The following FHIT variants were observed in gnomAD, a reference collection of about 807,000 sequenced individuals.
The protein encoded by FHIT is bis(5'-adenosyl)-triphosphatase.
A neutral mutation model predicts 17.9 loss-of-function variants in FHIT; 19 were observed. The ratio of observed to expected loss-of-function variants is 1.06; its 90% CI spans 0.74 to 1.56. The LOEUF (loss-of-function observed/expected upper bound fraction) is 1.56, where lower values mean the gene tolerates loss of function less well. FHIT is among the 40% of genes most tolerant of loss of function. The pLI is 0.00. For missense variants in FHIT, 248 were observed against 189.2 expected, an observed-to-expected ratio of 1.31 and a Z score of -1.82; for synonymous variants, 81 against 69.7, an observed-to-expected ratio of 1.16 and a Z score of -0.81.
chr3:60,608,128 T>C (rs1231202985), intron 4 of FHIT, among the ~76,000 whole-genome samples: 3 of 152,206 alleles, frequency 2.0e-5, no homozygotes, highest in African/African-American at 7.2e-5. Flanking sequence ...CCATCTTCCC[T>C]CGTCTGCTCA....
At chr3:60,381,371 G>A (rs2107113197) in intron 5 of FHIT, among the ~76,000 whole-genome samples, 1 of 152,150 alleles carries the variant, frequency 6.6e-6, no homozygotes, top group East Asian at 1.9e-4. Flanking sequence ...CCAGCTACAT[G>A]GGGGGCTAAG....
intron 2 of FHIT, among the ~76,000 whole-genome samples, chr3:61,043,072 C>T (rs1369469907): frequency 6.6e-6 from 1 of 152,110 alleles, no homozygotes; most frequent in East Asian, 1.9e-4. Flanking sequence ...TCTGCATTTC[C>T]AACTGAGGTA....
At chr3:60,697,574 G>C (rs1406609655) in intron 4 of FHIT, among the ~76,000 whole-genome samples, 1 of 151,940 alleles carries the variant, frequency 6.6e-6, no homozygotes, top group Non-Finnish European at 1.5e-5. Flanking sequence ...AATTTTATCT[G>C]GCAATTGTAA....
intron 3 of FHIT, among the ~76,000 whole-genome samples, chr3:61,037,624 C>G (rs111518181): frequency 0.014 from 2,148 of 152,284 alleles, 30 homozygotes; most frequent in South Asian, 0.062. Flanking sequence ...GTCACGAGGG[C>G]TCTGGCCTCA....
intron 5 of FHIT, among the ~76,000 whole-genome samples, chr3:60,123,572 C>T (rs1020262012): frequency 1.3e-5 from 2 of 152,012 alleles, no homozygotes; most frequent in African/African-American, 2.4e-5. Context: ...TCTAAAATAT[C>T]GTTGAAAGAG....
intron 2 of FHIT, among the ~76,000 whole-genome samples, chr3:61,150,759 A>G (rs1576109775): frequency 6.6e-6 from 1 of 152,326 alleles, no homozygotes; most frequent in East Asian, 1.9e-4. Flanking sequence ...ACTATTTCAG[A>G]AAATCCCACC....
intron 5 of FHIT, among the ~76,000 whole-genome samples, chr3:60,152,362 T>A (rs138130022): frequency 9.5e-4 from 144 of 152,244 alleles, no homozygotes; most frequent in African/African-American, 3.3e-3. Flanking sequence ...CCTGAAAAAA[T>A]TATTGTAGCT....
chr3:60,255,804 G>T (rs1057148467), intron 5 of FHIT, among the ~76,000 whole-genome samples: 2 of 151,912 alleles, frequency 1.3e-5, no homozygotes, highest in African/African-American at 4.8e-5. Context: ...GCAGTGAGCC[G>T]AGATTGTGCC....
chr3:61,217,117 A>G (rs1335118666), intron 1 of FHIT, among the ~76,000 whole-genome samples: 2 of 152,218 alleles, frequency 1.3e-5, no homozygotes, highest in Non-Finnish European at 2.9e-5. Context: ...CACGTTGTGC[A>G]CATGTACCCT....
intron 2 of FHIT, among the ~76,000 whole-genome samples, chr3:61,131,017 G>C (rs1340887639): frequency 6.6e-6 from 1 of 152,228 alleles, no homozygotes; most frequent in Non-Finnish European, 1.5e-5. Flanking sequence ...TAGGGTTAAA[G>C]TAGTTGGCCA....
chr3:60,107,996 A>C (rs986435348), intron 5 of FHIT, among the ~76,000 whole-genome samples: 4 of 152,202 alleles, frequency 2.6e-5, no homozygotes, highest in African/African-American at 9.6e-5. Flanking sequence ...GTGAAAGGAC[A>C]TTCAGAGTGG....
chr3:60,293,923 A>G (rs1708094195), intron 5 of FHIT, among the ~76,000 whole-genome samples: 1 of 152,142 alleles, frequency 6.6e-6, no homozygotes, highest in Non-Finnish European at 1.5e-5. Flanking sequence ...TTAGAATGAG[A>G]ACTGTGCCTC....
At chr3:61,178,557 T>C (rs2038227723) in intron 2 of FHIT, among the ~76,000 whole-genome samples, 1 of 764 alleles carries the variant, frequency 1.3e-3, no homozygotes, top group Non-Finnish European at 1.7e-3. Context: ...AACGTTGTAA[T>C]TATAGGTTAA....
chr3:60,735,632 A>G (rs2042118863), intron 4 of FHIT, among the ~76,000 whole-genome samples: 1 of 152,208 alleles, frequency 6.6e-6, no homozygotes, highest in South Asian at 2.1e-4. Context: ...GACCAACCCA[A>G]TGGAAAGAAA....
chr3:59,992,601 T>C (rs948334004), intron 7 of FHIT, among the ~76,000 whole-genome samples: 2 of 152,122 alleles, frequency 1.3e-5, no homozygotes, highest in African/African-American at 4.8e-5. Context: ...ATTTCATCTT[T>C]GAATTCGGAG....
At chr3:61,084,806 T>C (rs1346448481) in intron 2 of FHIT, among the ~76,000 whole-genome samples, 2 of 152,162 alleles carry the variant, frequency 1.3e-5, no homozygotes, top group Non-Finnish European at 2.9e-5. Context: ...TGTTACCTCA[T>C]GCCCTTTGCA....
intron 5 of FHIT, among the ~76,000 whole-genome samples, chr3:60,456,294 G>A (rs374737591): frequency 7.1e-4 from 108 of 152,292 alleles, no homozygotes; most frequent in African/African-American, 2.3e-3. Context: ...GATGGTTACC[G>A]ACAAATCTTC....
intron 1 of FHIT, among the ~76,000 whole-genome samples, chr3:61,236,079 T>A (rs2040223080): frequency 5.9e-5 from 9 of 151,574 alleles, no homozygotes. Flanking sequence ...ATGAGAAAAC[T>A]GTGGTATAAA....
intron 4 of FHIT, among the ~76,000 whole-genome samples, chr3:60,695,530 T>C (rs983589029): frequency 2.0e-5 from 3 of 152,226 alleles, no homozygotes; most frequent in African/African-American, 7.2e-5. Context: ...AGAAATGTTA[T>C]GTAAATTATT....
Sources: gnomAD v4.1 joint callset for allele counts (sites outside exome capture counted in the v4.1 genomes callset) on GRCh38, gnomAD v4.1.1 for gene constraint, MANE v1.5 for transcripts, NCBI Gene and HGNC (gene_info 2026-07-23, HGNC 2026-07-21) for gene names.